Variants in EYA3 observed in about 807,000 individuals in gnomAD.
The protein encoded by EYA3 is EYA transcriptional coactivator and phosphatase 3.
Under a neutral mutation model 80.0 loss-of-function variants are expected in EYA3, and 39 were observed. That is an observed-to-expected ratio of 0.49 (90% CI 0.38 to 0.64). EYA3 has a LOEUF of 0.64. Ranked by LOEUF, EYA3 falls within the 30% of genes least tolerant of loss-of-function variation. EYA3 has a pLI of 0.00. For synonymous variants in EYA3, 206 were observed against 232.8 expected (o/e 0.88, Z 1.05); for missense variants, 523 against 676.1 (o/e 0.77, Z 2.51).
At chr1:28,033,428 A>T (rs923828123) in intron 6 of EYA3, among the ~76,000 whole-genome samples, 13 of 152,140 alleles carry the variant, frequency 8.5e-5, no homozygotes, top group Admixed American at 7.2e-4. Flanking sequence ...TACATTACTT[A>T]AAGTCAAATT....
chr1:28,073,127 A>ATATATATATATATATATATAT (rs1553157671), intron 1 of EYA3, among the ~76,000 whole-genome samples: 1 of 14,996 alleles, frequency 6.7e-5, no homozygotes, highest in Non-Finnish European at 1.1e-4. Flanking sequence ...ATATATATAT[A>ATATATATATATATATATATAT]TTTTTTTTTT....
At chr1:28,058,742 G>C (rs1644515433) in intron 1 of EYA3, among the ~76,000 whole-genome samples, 2 of 152,080 alleles carry the variant, frequency 1.3e-5, no homozygotes, top group South Asian at 2.1e-4. Context: ...TAACTGTACT[G>C]CCCAATTATT....
intron 17 of EYA3, among the ~76,000 whole-genome samples, chr1:27,974,807 T>C (rs1349217773): frequency 2.6e-5 from 4 of 152,202 alleles, no homozygotes; most frequent in Non-Finnish European, 5.9e-5. Flanking sequence ...CTAGCTATTA[T>C]TTTGAAGACA....
At chr1:28,014,139 G>A (rs1328484014) in intron 8 of EYA3, among the ~76,000 whole-genome samples, 2 of 152,094 alleles carry the variant, frequency 1.3e-5, no homozygotes, top group African/African-American at 4.8e-5. Context: ...TTTCCTGGCC[G>A]GGAACAGTGG....
rs1413560855 is a variant in EYA3, at chr1:28,001,805, A to G, written c.994-1756T>C. ...GAGTGCTGCGGCGCGATCTCGGCTCACTGCAACCTCCACCTCCCAGGTTCA... is the reference window on the plus strand; with the variant it reads ...GAGTGCTGCGGCGCGATCTCGGCTCGCTGCAACCTCCACCTCCCAGGTTCA... On this transcript the variant is annotated intron_variant, in intron 11 of 17. Coordinates refer to ENST00000373871, the MANE Select transcript of EYA3 (RefSeq NM_001990.4). Among the ~76,000 whole-genome samples the G allele has an allele frequency of 4.1e-5, 6 of 147,416 alleles. No individual in the cohort carries two copies. In the South Asian group the frequency reaches 1.1e-3, roughly 26 times the overall value.
At chr1:28,074,180 A>G (rs955666395) in intron 1 of EYA3, among the ~76,000 whole-genome samples, 5 of 152,188 alleles carry the variant, frequency 3.3e-5, no homozygotes, top group Admixed American at 1.3e-4. Flanking sequence ...AAATTGTATA[A>G]ATTCTTATTT....
chr1:28,073,127 A>ATATATATATATATATTTT lies in EYA3; in HGVS notation c.-68-15034_-68-15033insAAAATATATATATATATA, dbSNP rs1553157671. 2.2e-3 allele frequency among the ~76,000 whole-genome samples: 33 copies of ATATATATATATATATTTT among 15,000 alleles called. 1 individual carries two copies. Among genetic ancestry groups the ATATATATATATATATTTT allele is most frequent in the East Asian group, 3.4e-3 (1 of 292 alleles). 9.8% of individuals were successfully genotyped at this position (15,000 alleles called of 152,430 possible). A position where few individuals can be genotyped will look rare whatever the true frequency, so the allele number is the denominator to read the frequency against. On this transcript the variant is annotated intron_variant, in intron 1 of 17. Coordinates refer to ENST00000373871, the MANE Select transcript of EYA3 (RefSeq NM_001990.4). ...ATTATATATATATATATATATATAT[A>ATATATATATATATATTTT]TTTTTTTTTTTTTTTTTTTTTTTTA...
chr1:28,014,727 CAA>C (rs60346277), intron 8 of EYA3, among the ~76,000 whole-genome samples: 3 of 132,492 alleles, frequency 2.3e-5, no homozygotes, highest in African/African-American at 2.8e-5. Flanking sequence ...GACTCTGTCT[CAA>C]AAAAAAAAAA....
At chr1:28,085,136 T>C (rs1645603799) in intron 1 of EYA3, among the ~76,000 whole-genome samples, 1 of 152,132 alleles carries the variant, frequency 6.6e-6, no homozygotes, top group Non-Finnish European at 1.5e-5. Flanking sequence ...GGAGGTATAC[T>C]TTGTTTCTTA....
At chr1:28,011,120 A>G (rs1352633799) in intron 9 of EYA3, 34 bp from the exon 10 acceptor site, 6 of 1,602,078 alleles carry the variant, frequency 3.7e-6, no homozygotes, top group Non-Finnish European at 5.1e-6. Flanking sequence ...TGTTGTCAGG[A>G]GTCACAGGCT....
At chr1:28,079,133 T>C (rs1324299229) in intron 1 of EYA3, among the ~76,000 whole-genome samples, 2 of 152,220 alleles carry the variant, frequency 1.3e-5, no homozygotes, top group Admixed American at 6.5e-5. Context: ...GTGCTTTAAA[T>C]AGTGCCTGGC....
chr1:28,030,149 C>CT (rs1643048235), intron 6 of EYA3, among the ~76,000 whole-genome samples: 1 of 152,162 alleles, frequency 6.6e-6, no homozygotes, highest in African/African-American at 2.4e-5. Context: ...AAATACAATA[C>CT]TTTGAGAATG....
intron 1 of EYA3, among the ~76,000 whole-genome samples, chr1:28,081,320 C>A (rs1196951463): frequency 6.6e-6 from 1 of 152,120 alleles, no homozygotes; most frequent in Non-Finnish European, 1.5e-5. Context: ...GAATATTATT[C>A]ATTAGTGTTG....
chr1:28,010,846 A>G, intron 10 of EYA3, 101 bp downstream of exon 10: 1 of 1,366,554 alleles, frequency 7.3e-7, no homozygotes, highest in Non-Finnish European at 9.9e-7. Context: ...AAGGGCACAT[A>G]ACATAGTGCA....
intron 1 of EYA3, among the ~76,000 whole-genome samples, chr1:28,075,008 C>T (rs1645152449): frequency 1.3e-5 from 2 of 152,164 alleles, no homozygotes; most frequent in Admixed American, 6.6e-5. Context: ...TCCTTAAATG[C>T]TTAAAACCAG....
intron 7 of EYA3, among the ~76,000 whole-genome samples, chr1:28,025,294 G>A (rs1431129736): frequency 6.6e-6 from 1 of 152,104 alleles, no homozygotes; most frequent in Non-Finnish European, 1.5e-5. Context: ...AATAAAATGG[G>A]CCAATAGATT....
At chr1:27,976,620 G>C (rs924048085) in intron 17 of EYA3, among the ~76,000 whole-genome samples, 22 of 152,150 alleles carry the variant, frequency 1.4e-4, no homozygotes, top group African/African-American at 5.3e-4. Context: ...TTCAAGCAAG[G>C]ACTAGAGAGA....
intron 4 of EYA3, among the ~76,000 whole-genome samples, chr1:28,042,292 G>C (rs1643828672): frequency 6.6e-6 from 1 of 152,152 alleles, no homozygotes; most frequent in Non-Finnish European, 1.5e-5. Flanking sequence ...CTGATTTTCT[G>C]TAAGACACTA....
Position 27,971,279 on chromosome 1 carries a change from T to C in EYA3, c.*3187A>G, listed in dbSNP as rs1638714511. The C allele has an allele frequency of 6.6e-6, 1 of 152,226 alleles. No individual in the cohort carries two copies. The highest frequency in any genetic ancestry group is 2.4e-5 in the African/African-American group (1 of 41,346). The allele number at this position is 152,226 out of a possible 1,614,324, so 9.4% of individuals were successfully genotyped here. On this transcript the variant is annotated 3_prime_UTR_variant, in exon 18 of 18. Transcript: ENST00000373871. ...ACTAGAGAGAGCCCTCACCGTGACATTACAGACCCATCCTGTAGAACCCAC... is the reference window on the plus strand; with the variant it reads ...ACTAGAGAGAGCCCTCACCGTGACACTACAGACCCATCCTGTAGAACCCAC...
Sources: allele counts gnomAD v4.1 joint callset (sites outside exome capture counted in the v4.1 genomes callset), GRCh38; gene constraint gnomAD v4.1.1; transcripts MANE v1.5; gene names NCBI Gene and HGNC (gene_info 2026-07-23, HGNC 2026-07-21).